The following ZFHX3 variants were observed in gnomAD, a reference collection of about 807,000 sequenced individuals.
ZFHX3 encodes zinc finger homeobox 3, also known as zinc finger homeobox protein 3.
ZFHX3 carries 42 observed loss-of-function variants against 279.1 expected under a neutral mutation model. The observed-to-expected ratio is 0.15, with a 90% confidence interval of 0.12 to 0.19. The LOEUF (loss-of-function observed/expected upper bound fraction) is 0.19, where lower values mean the gene tolerates loss of function less well. ZFHX3 is among the 10% of genes least tolerant of loss of function. ZFHX3 has a pLI of 1.00. For missense variants in ZFHX3, 4,981 were observed against 4,754.0 expected, an observed-to-expected ratio of 1.05 and a Z score of -1.40; for synonymous variants, 2,293 against 1,957.8, an observed-to-expected ratio of 1.17 and a Z score of -4.52.
At chr16:73,327,142 G>T (rs1474032358) in intron 3 of ZFHX3, among the ~76,000 whole-genome samples, 1 of 152,186 alleles carries the variant, frequency 6.6e-6, no homozygotes, top group African/African-American at 2.4e-5. Flanking sequence ...GTTTTTATTT[G>T]CTGGGAGAGT....
At chr16:72,968,683 G>A (rs769356728) in intron 1 of ZFHX3, among the ~76,000 whole-genome samples, 16 of 151,948 alleles carry the variant, frequency 1.1e-4, no homozygotes, top group African/African-American at 1.9e-4. Flanking sequence ...GGCTAGTTTC[G>A]AACTCCTGAC....
At chr16:73,375,336 G>A (rs551108821) in intron 3 of ZFHX3, among the ~76,000 whole-genome samples, 1 of 152,260 alleles carries the variant, frequency 6.6e-6, no homozygotes, top group East Asian at 1.9e-4. Flanking sequence ...GTGACAAAAT[G>A]TTCTGGCCTC....
chr16:73,138,588 C>T (rs1966832679), intron 6 of ZFHX3, among the ~76,000 whole-genome samples: 1 of 152,200 alleles, frequency 6.6e-6, no homozygotes, highest in Non-Finnish European at 1.5e-5. Context: ...ACCCTCCACT[C>T]CCCATGGATG....
chr16:73,062,768 G>A (rs982677587), upstream of ZFHX3, among the ~76,000 whole-genome samples: 6 of 152,074 alleles, frequency 3.9e-5, no homozygotes, highest in African/African-American at 1.4e-4. Context: ...AGGCAGGAGA[G>A]GTTGAAAGGA....
At chr16:73,583,745 T>C (rs1469571838) in intron 2 of ZFHX3, among the ~76,000 whole-genome samples, 4 of 152,152 alleles carry the variant, frequency 2.6e-5, no homozygotes, top group Admixed American at 2.6e-4. Flanking sequence ...AAACTCACAA[T>C]TGACAAAATA....
chr16:73,359,633 TG>T (rs1200449393), intron 3 of ZFHX3, among the ~76,000 whole-genome samples: 2 of 152,154 alleles, frequency 1.3e-5, no homozygotes, highest in African/African-American at 2.4e-5. Flanking sequence ...CATGTGGGGA[TG>T]GAGAGGCCAG....
At chr16:73,275,719 C>T (rs943642204) in intron 4 of ZFHX3, among the ~76,000 whole-genome samples, 1 of 152,194 alleles carries the variant, frequency 6.6e-6, no homozygotes, top group Non-Finnish European at 1.5e-5. Context: ...TACTTTATTG[C>T]TAACAAATGC....
intron 1 of ZFHX3, among the ~76,000 whole-genome samples, chr16:73,880,082 C>T (rs2030093645): frequency 6.6e-6 from 1 of 152,104 alleles, no homozygotes; most frequent in South Asian, 2.1e-4. Flanking sequence ...CCATTCTACA[C>T]GTTCCATTAC....
chr16:72,915,514 C>T (rs574859148), intron 3 of ZFHX3, among the ~76,000 whole-genome samples: 5 of 152,288 alleles, frequency 3.3e-5, no homozygotes, highest in Admixed American at 6.5e-5. Flanking sequence ...CTTGTAACCC[C>T]GGCACTCCTG....
At chr16:72,838,130 G>A (rs1016371898) in intron 4 of ZFHX3, among the ~76,000 whole-genome samples, 1 of 151,012 alleles carries the variant, frequency 6.6e-6, no homozygotes, top group Non-Finnish European at 1.5e-5. Context: ...CCCCCACCCT[G>A]ACCCCGTTCC....
intron 4 of ZFHX3, among the ~76,000 whole-genome samples, chr16:73,313,944 C>G (rs975728156): frequency 6.6e-6 from 1 of 152,122 alleles, no homozygotes. Context: ...CCCATTTCTA[C>G]AAAAATTAGC....
chr16:73,355,491 T>C (rs1335830427), intron 3 of ZFHX3, among the ~76,000 whole-genome samples: 1 of 152,196 alleles, frequency 6.6e-6, no homozygotes, highest in Non-Finnish European at 1.5e-5. Context: ...TTTTGGTGGC[T>C]ACCTCTTCCT....
chr16:73,507,726 C>T lies in ZFHX3; in HGVS notation c.-1546-51468G>A, dbSNP rs565558292. Among the ~76,000 whole-genome samples, 5 of 152,004 alleles carry T rather than the reference C, an allele frequency of 3.3e-5. No individual in the cohort carries two copies. The South Asian group carries it at 6.3e-4, about 19-fold the overall frequency. ...TTGTTGCCCAGGCTGGTGTTGAACTCGTGGCTTCAAGCAATCCTCCCACCT... is the reference window on the plus strand; with the variant it reads ...TTGTTGCCCAGGCTGGTGTTGAACTTGTGGCTTCAAGCAATCCTCCCACCT... On this transcript the variant is annotated intron_variant, in intron 2 of 17. Coordinates refer to the ZFHX3 transcript ENST00000641206.
intron 3 of ZFHX3, among the ~76,000 whole-genome samples, chr16:73,415,845 C>T (rs1180799737): frequency 1.3e-5 from 2 of 152,110 alleles, no homozygotes; most frequent in Admixed American, 1.3e-4. Context: ...TGGGGCTGGG[C>T]ACAGTGGCTC....
intron 2 of ZFHX3, among the ~76,000 whole-genome samples, chr16:73,533,990 G>A (rs138714701): frequency 1.3e-5 from 2 of 152,270 alleles, no homozygotes; most frequent in African/African-American, 2.4e-5. Flanking sequence ...CCAAAAGCCA[G>A]AGAAATCCTT....
At position 72,958,403 on chromosome 16, in the gene ZFHX3, C is replaced by T; in HGVS notation, c.1743G>A (p.Val581=). 6.2e-7 allele frequency: 1 copy of T among 1,614,204 alleles called. No homozygotes were observed. The highest frequency in any genetic ancestry group is 8.5e-7 in the Non-Finnish European group (1 of 1,180,038). The change falls in exon 2 of 10, where the codon GTG becomes GTA. Residue 581 remains valine (V), a synonymous_variant. Coordinates refer to ENST00000268489, the MANE Select transcript of ZFHX3 (RefSeq NM_006885.4). ...AGTCCAGCCTCCTGCCGCCCTCTGC[C>T]ACATTGGCCCTGACGCCCTCACTGT... ...SFNSEGVRAN[V]AEGGRRLDFA...
At chr16:73,071,630 T>G (rs970110678) in intron 8 of ZFHX3, among the ~76,000 whole-genome samples, 2 of 152,196 alleles carry the variant, frequency 1.3e-5, no homozygotes, top group African/African-American at 4.8e-5. Context: ...GCCTCCTGCC[T>G]GTTCAAAGGC....
At chr16:72,953,130 G>A (rs1348543110) in intron 2 of ZFHX3, among the ~76,000 whole-genome samples, 3 of 152,134 alleles carry the variant, frequency 2.0e-5, no homozygotes, top group East Asian at 1.9e-4. Context: ...CAGCAGCTGC[G>A]TTTGAAGCTC....
intron 5 of ZFHX3, among the ~76,000 whole-genome samples, chr16:73,161,995 A>T (rs1967247670): frequency 2.0e-5 from 3 of 152,254 alleles, no homozygotes; most frequent in Non-Finnish European, 4.4e-5. Context: ...TTATAATGAT[A>T]CAAGCTACAG....
Sources: gnomAD v4.1 joint callset for allele counts (sites outside exome capture counted in the v4.1 genomes callset) on GRCh38, gnomAD v4.1.1 for gene constraint, MANE v1.5 for transcripts, NCBI Gene and HGNC (gene_info 2026-07-23, HGNC 2026-07-21) for gene names.